Variants in ITGAD observed in about 807,000 individuals in gnomAD.
ITGAD encodes the protein integrin alpha-D.
ITGAD carries 105 observed loss-of-function variants against 139.0 expected under a neutral mutation model. The ratio of observed to expected loss-of-function variants is 0.76; its 90% confidence interval spans 0.65 to 0.89. The LOEUF (loss-of-function observed/expected upper bound fraction) is 0.89. ITGAD is among the 40% of genes least tolerant of loss of function. The pLI is 0.00. For missense variants in ITGAD, 1,384 were observed against 1,487.3 expected, an observed-to-expected ratio of 0.93 and a Z score of 1.14; for synonymous variants, 569 against 598.3, an observed-to-expected ratio of 0.95 and a Z score of 0.71.
Position 31,414,493 on chromosome 16 carries a change from C to T in ITGAD, c.2039C>T (p.Pro680Leu). 1 of 1,614,222 alleles carries T rather than the reference C, an allele frequency of 6.2e-7. No individual in the cohort carries two copies. Among genetic ancestry groups the T allele is most frequent in the Non-Finnish European group, 8.5e-7 (1 of 1,180,032 alleles). The change falls in exon 17 of 30, where the codon CCA (proline) becomes CTA (leucine). Residue 680 changes from proline to leucine, a missense_variant. Pro to Leu is a moderately conservative substitution (Grantham distance 98). Coordinates refer to ENST00000389202, the MANE Select transcript of ITGAD (RefSeq NM_005353.3). ...GTCAGGTTTGATCTGGCACTGGACCCAGGTCGTCTGACTTCTCGTGCCATT... is the reference window on the plus strand; with the variant it reads ...GTCAGGTTTGATCTGGCACTGGACCTAGGTCGTCTGACTTCTCGTGCCATT... ...SSVRFDLALD[P>L]GRLTSRAIFN...
intron 2 of ITGAD, among the ~76,000 whole-genome samples, chr16:31,395,274 C>T (rs1273136706): frequency 2.6e-5 from 4 of 151,948 alleles, no homozygotes; most frequent in African/African-American, 9.7e-5. Flanking sequence ...GAGCCGAGAT[C>T]GTGCCACTTT....
At chr16:31,419,121 A>T (rs1186504357) in intron 23 of ITGAD, among the ~76,000 whole-genome samples, 1 of 149,632 alleles carries the variant, frequency 6.7e-6, no homozygotes. Context: ...TGAACCTGGG[A>T]GGCGGAGGTT....
rs755850996 is a variant in ITGAD, at chr16:31,416,514, C to A, written c.2367C>A (p.Thr789=). The change falls in exon 20 of 30, where the codon ACC becomes ACA. Residue 789 remains threonine, a synonymous_variant. Coordinates refer to ENST00000389202, the MANE Select transcript of ITGAD (RefSeq NM_005353.3). ...CGTCCTTCCCCTTCAGCCTGCAGAC[C>A]CTGACCGTGGGGAGCTCCCTGGAGC... The part of the protein sequence containing the change: ...GVTLSFSGLQ[T]LTVGSSLELN... 1.2e-6 allele frequency: 2 copies of A among 1,611,510 alleles called. No individual in the cohort carries two copies. The highest frequency in any genetic ancestry group is 1.1e-5 in the South Asian group (1 of 91,032).
At position 31,407,458 on chromosome 16, in the gene ITGAD, T is replaced by C. The variant is rs1210383100; in HGVS notation, c.705-57T>C. The C allele has an allele frequency of 3.4e-6, 5 of 1,474,920 alleles. No homozygotes were observed. The Admixed American group carries it at 6.5e-5, about 19-fold the overall frequency. The allele number at this position is 1,474,920 out of a possible 1,614,324, so 91.4% of individuals were successfully genotyped here. On this transcript the variant is annotated intron_variant, in intron 7 of 29. Coordinates refer to ENST00000389202, the MANE Select transcript of ITGAD (RefSeq NM_005353.3). ...CTCCAGATGAGAGGACTGCAAATGA[T>C]GTCTTTCCAGAATCAATCACATCTC... is the stretch of plus-strand genomic sequence containing the variant.
At position 31,413,071 on chromosome 16, in the gene ITGAD, C is replaced by A; in HGVS notation, c.1839-18C>A. The stretch of plus-strand genomic sequence containing the variant: ...CCAGAAGCCAGTGTTCTGTCCTCCC[C>A]ACTACTCTGCCCCTCAGGAGTCTGC... On this transcript the variant is annotated intron_variant, in intron 15 of 29. Transcript: ENST00000389202. 1 of 1,613,868 alleles carries A rather than the reference C, an allele frequency of 6.2e-7. No individual in the cohort carries two copies. The highest frequency in any genetic ancestry group is 1.7e-4 in the Middle Eastern group (1 of 6,054).
At chr16:31,422,777 A>G (rs2082032178) in intron 23 of ITGAD, among the ~76,000 whole-genome samples, 1 of 152,102 alleles carries the variant, frequency 6.6e-6, no homozygotes, top group Admixed American at 6.6e-5. Flanking sequence ...GAGCTAGTGG[A>G]TCTGGGTGAT....
intron 27 of ITGAD, 63 bp downstream of exon 27, chr16:31,424,021 C>A (rs1294581671): frequency 6.2e-7 from 1 of 1,606,452 alleles, no homozygotes; most frequent in African/African-American, 1.3e-5. Context: ...ATGTCTGTGC[C>A]CATCTGCAAG....
At chr16:31,409,156 G>A (rs371944301) in intron 10 of ITGAD, among the ~76,000 whole-genome samples, 10 of 152,144 alleles carry the variant, frequency 6.6e-5, no homozygotes, top group African/African-American at 2.2e-4. Context: ...TTAGCCAGGT[G>A]TGGTGGCTCA....
chr16:31,423,059 G>A, intron 23 of ITGAD, 55 bp from the exon 24 acceptor site: 1 of 1,362,472 alleles, frequency 7.3e-7, no homozygotes, highest in South Asian at 1.2e-5. Context: ...AGTAGGACAG[G>A]GCACAACTGG....
rs747813404 is a variant in ITGAD, at chr16:31,416,260, C to T, written c.2331C>T (p.Asp777=). The part of the protein sequence containing the change: ...NCGQDGLCEG[D]LGVTLSFSGL... ...GGCAAGATGGCCTCTGTGAAGGGGA[C>T]CTGGGTGTCACCCTCAGCTTCTCAG... Residue 777 remains aspartate (D), a synonymous_variant, in exon 19 of 30, where the codon GAC becomes GAT. Coordinates refer to ENST00000389202, the MANE Select transcript of ITGAD (RefSeq NM_005353.3). The T allele has an allele frequency of 7.5e-6, 12 of 1,605,048 alleles. No homozygotes were observed. In the South Asian group the frequency reaches 1.3e-4, roughly 18 times the overall value.
Position 31,397,379 on chromosome 16 carries a change from T to A in ITGAD, c.158T>A (p.Leu53Gln). 6.2e-7 allele frequency: 1 copy of A among 1,602,328 alleles called. No individual in the cohort carries two copies. Among genetic ancestry groups the A allele is most frequent in the Non-Finnish European group, 8.5e-7 (1 of 1,174,940 alleles). ...TCCAGACTCGTGGTGGGAGCACCCC[T>A]GGAGGTGGTGGCGGCCAACCAGACG... The part of the protein sequence containing the change: ...GGSRLVVGAP[L>Q]EVVAANQTGR... The change falls in exon 3 of 30, where the codon CTG (leucine) becomes CAG (glutamine). Residue 53 changes from leucine (L) to glutamine (Q), a missense_variant. Coordinates refer to ENST00000389202, the MANE Select transcript of ITGAD (RefSeq NM_005353.3).
chr16:31,419,573 G>A (rs2081967542), intron 23 of ITGAD, among the ~76,000 whole-genome samples: 1 of 152,202 alleles, frequency 6.6e-6, no homozygotes, highest in Non-Finnish European at 1.5e-5. Flanking sequence ...CACTTTGGGA[G>A]GCTGAGGCAG....
intron 7 of ITGAD, among the ~76,000 whole-genome samples, chr16:31,406,206 C>T (rs1461245484): frequency 6.6e-6 from 1 of 152,076 alleles, no homozygotes; most frequent in African/African-American, 2.4e-5. Context: ...TCCTGAGTAG[C>T]TGGGATTACA....
chr16:31,399,318 G>A (rs1018436668), intron 5 of ITGAD, among the ~76,000 whole-genome samples: 2 of 152,202 alleles, frequency 1.3e-5, no homozygotes, highest in Non-Finnish European at 2.9e-5. Context: ...GTATGTGATA[G>A]CCCCTCTGAC....
chr16:31,398,283 A>C (rs1219214124), intron 5 of ITGAD, among the ~76,000 whole-genome samples: 2 of 151,868 alleles, frequency 1.3e-5, no homozygotes, highest in East Asian at 3.9e-4. Context: ...ACAAAATAGC[A>C]GGATGTGGTG....
intron 28 of ITGAD, 27 bp from the exon 29 acceptor site, chr16:31,424,440 C>T (rs775749540): frequency 1.3e-6 from 2 of 1,576,872 alleles, no homozygotes; most frequent in Admixed American, 1.7e-5. Flanking sequence ...TGGCATGAGG[C>T]CGGATGCTCT....
rs761524795 is a variant in ITGAD at position 31,411,419 on chromosome 16, G to C, written c.1609G>C (p.Asp537His). ...GGATGTGAATGAGGACAAGCTGATA[G>C]ACGTGGCCATTGGGGCCCCGGGAGA... ...LGDVNEDKLI[D>H]VAIGAPGEQE... The change falls in exon 14 of 30, where the codon GAC (aspartate) becomes CAC (histidine). Residue 537 changes from aspartate to histidine, a missense_variant. Physicochemically the swap from Asp to His is moderately conservative, Grantham distance 81 (BLOSUM62 -1). Transcript: ENST00000389202. 3.7e-6 allele frequency: 6 copies of C among 1,613,924 alleles called. No homozygotes were observed. The African/African-American group carries it at 5.3e-5, about 14-fold the overall frequency.
intron 18 of ITGAD, 131 bp downstream of exon 18, chr16:31,415,122 C>T (rs1021951689): frequency 1.8e-5 from 18 of 1,022,856 alleles, no homozygotes; most frequent in African/African-American, 1.1e-4. Context: ...CTCCCTTCCT[C>T]CTCACACCCA....
chr16:31,416,682 T>C, intron 20 of ITGAD, 36 bp downstream of exon 20: 3 of 1,577,534 alleles, frequency 1.9e-6, no homozygotes, highest in Non-Finnish European at 2.6e-6. Context: ...GGAGGGGGCC[T>C]CTCCCCTGCC....
Sources: allele counts gnomAD v4.1 joint callset (sites outside exome capture counted in the v4.1 genomes callset), GRCh38; gene constraint gnomAD v4.1.1; transcripts MANE v1.5; gene names NCBI Gene and HGNC (gene_info 2026-07-23, HGNC 2026-07-21).